The following VPS37A variants were observed in gnomAD, a reference collection of about 807,000 sequenced individuals.
VPS37A encodes vacuolar protein sorting-associated protein 37A.
A neutral mutation model predicts 49.8 loss-of-function variants in VPS37A; 30 were observed. That is an observed-to-expected ratio of 0.60 (90% CI 0.45 to 0.82). The LOEUF is 0.82. Among genes scored for constraint, VPS37A ranks in the 40% least tolerant of loss-of-function variants. The probability of loss-of-function intolerance (pLI) is 0.00; values close to 1 mark genes in which losing one functional copy is unlikely to be tolerated. For missense variants in VPS37A, 593 were observed against 464.4 expected (o/e 1.28, Z -2.55); for synonymous variants, 195 against 160.6 (o/e 1.21, Z -1.62).
chr8:17,299,382 T>G (rs1816947820), downstream of VPS37A: 1 of 154,052 alleles, frequency 6.5e-6, no homozygotes, highest in Non-Finnish European at 1.4e-5. Context: ...AGGGTGCATC[T>G]CACCAATGTG....
At chr8:17,331,386 T>G in the VPS37A span, 212,163 of 1,237,814 alleles carry the variant, frequency 0.17, 20,985 homozygotes, top group Non-Finnish European at 0.2. Flanking sequence ...TTCAGAATGA[T>G]GTACGGAAAC....
intron 1 of VPS37A, among the ~76,000 whole-genome samples, chr8:17,254,443 C>T (rs960814959): frequency 6.6e-6 from 1 of 152,198 alleles, no homozygotes; most frequent in African/African-American, 2.4e-5. Context: ...AGCCTACCTG[C>T]TGCTCCACGA....
chr8:17,273,154 G>A (rs1375144643), intron 4 of VPS37A, among the ~76,000 whole-genome samples: 2 of 148,974 alleles, frequency 1.3e-5, no homozygotes, highest in Admixed American at 1.4e-4. Flanking sequence ...TTTTATGGGT[G>A]TATTATAATG....
At chr8:17,288,468 T>G (rs1443815229) in intron 11 of VPS37A, among the ~76,000 whole-genome samples, 3 of 152,054 alleles carry the variant, frequency 2.0e-5, no homozygotes, top group Admixed American at 6.6e-5. Flanking sequence ...AGAACATGCA[T>G]TAGTTGGTTT....
chr8:17,278,486 G>T (rs1170905430), intron 6 of VPS37A, among the ~76,000 whole-genome samples: 3 of 152,012 alleles, frequency 2.0e-5, no homozygotes, highest in African/African-American at 7.2e-5. Flanking sequence ...ATGAGTTGCT[G>T]CACTATCTGT....
At chr8:17,331,981 C>A in the VPS37A span, among the ~76,000 whole-genome samples, 1 of 152,184 alleles carries the variant, frequency 6.6e-6, no homozygotes, top group Non-Finnish European at 1.5e-5. Flanking sequence ...ACAGTGGTAT[C>A]TGAAGAAGTT....
At chr8:17,300,176 T>G (rs1817022500), downstream of VPS37A, 3 of 1,614,108 alleles carry the variant, frequency 1.9e-6, no homozygotes, top group Non-Finnish European at 2.5e-6. Flanking sequence ...CTTTGCTTAC[T>G]CTTCACCTTA....
chr8:17,265,980 A>G lies in VPS37A; in HGVS notation c.199A>G (p.Ile67Val). The G allele has an allele frequency of 6.2e-6, 10 of 1,610,702 alleles. No homozygotes were observed. The highest frequency in any genetic ancestry group is 1.3e-5 in the African/African-American group (1 of 74,974). Residue 67 changes from isoleucine to valine, a missense_variant and splice_region_variant, in exon 2 of 12, where the codon ATA becomes GTA. By Grantham distance (29) the Ile-to-Val change is conservative (BLOSUM62 3). Coordinates refer to ENST00000324849, the MANE Select transcript of VPS37A (RefSeq NM_152415.3). Reference protein sequence around the residue: ...TINNLTININILLPPQFPQEK... With the variant: ...TINNLTININVLLPPQFPQEK... Reference sequence around the variant, plus strand: ...AAACAACCTGACAATTAACATTAATATGTGAGTAGAATTGTATCCTACTTT... The same window carrying G: ...AAACAACCTGACAATTAACATTAATGTGTGAGTAGAATTGTATCCTACTTT...
rs551306584 is a variant in VPS37A, at chr8:17,297,292, T to C, written c.*2306T>C. ...TCTAAATCAATCAATCAGTGAGATATAAACTAAACAGACCCACTTCAAAGT... is the reference window on the plus strand; with the variant it reads ...TCTAAATCAATCAATCAGTGAGATACAAACTAAACAGACCCACTTCAAAGT... On this transcript the variant is annotated 3_prime_UTR_variant, in exon 12 of 12. Transcript: ENST00000324849. 2.0e-5 allele frequency: 3 copies of C among 152,192 alleles called. No individual in the cohort carries two copies. Among genetic ancestry groups the C allele is most frequent in the East Asian group, 1.9e-4 (1 of 5,178 alleles). 9.4% of individuals were successfully genotyped at this position (152,192 alleles called of 1,614,324 possible). A position where few individuals can be genotyped will look rare whatever the true frequency, so the allele number is the denominator to read the frequency against.
intron 9 of VPS37A, among the ~76,000 whole-genome samples, chr8:17,282,207 G>A (rs1461249196): frequency 6.6e-6 from 1 of 151,950 alleles, no homozygotes; most frequent in Non-Finnish European, 1.5e-5. Flanking sequence ...TATTTCTATG[G>A]AACAGACTAT....
At chr8:17,273,862 A>G (rs1814248361) in intron 4 of VPS37A, among the ~76,000 whole-genome samples, 7 of 152,210 alleles carry the variant, frequency 4.6e-5, no homozygotes. Flanking sequence ...AAAAATTAAT[A>G]CATTTTGAAA....
chr8:17,294,095 T>A (rs1816389119), intron 11 of VPS37A, among the ~76,000 whole-genome samples: 1 of 151,712 alleles, frequency 6.6e-6, no homozygotes, highest in Non-Finnish European at 1.5e-5. Flanking sequence ...GAGATGGGAG[T>A]TTTATCTATA....
At chr8:17,305,825 T>C (rs755213845), downstream of VPS37A, 23 of 1,613,772 alleles carry the variant, frequency 1.4e-5, 1 homozygote, top group South Asian at 2.4e-4. Context: ...AAATGTGATG[T>C]TGAATGTGAA....
rs1313436669 is a variant in VPS37A, at chr8:17,297,940, T to G, written c.*2954T>G. On this transcript the variant is annotated 3_prime_UTR_variant, in exon 12 of 12. Coordinates refer to ENST00000324849, the MANE Select transcript of VPS37A (RefSeq NM_152415.3). Reference sequence around the variant, plus strand: ...AAAGTTTATGACTCTGATATGGAAGTTGTCATATTAAAAAACTACATTTTA... The same window carrying G: ...AAAGTTTATGACTCTGATATGGAAGGTGTCATATTAAAAAACTACATTTTA... The G allele has an allele frequency of 2.0e-5, 3 of 152,220 alleles. No homozygotes were observed. Among genetic ancestry groups the G allele is most frequent in the Middle Eastern group, 3.4e-3 (1 of 294 alleles). The allele number at this position is 152,220 out of a possible 1,614,324, so 9.4% of individuals were successfully genotyped here.
At chr8:17,300,821 A>G (rs1477262772), downstream of VPS37A, among the ~76,000 whole-genome samples, 1 of 152,162 alleles carries the variant, frequency 6.6e-6, no homozygotes, top group Non-Finnish European at 1.5e-5. Flanking sequence ...TTCTATCTCT[A>G]TGGATTTGCC....
intron 1 of VPS37A, among the ~76,000 whole-genome samples, chr8:17,263,430 T>G (rs2150366897): frequency 6.6e-6 from 1 of 152,324 alleles, no homozygotes; most frequent in Non-Finnish European, 1.5e-5. Context: ...ATTGCCATGA[T>G]TAACTTGTTT....
intron 6 of VPS37A, among the ~76,000 whole-genome samples, chr8:17,277,320 C>T (rs111919734): frequency 7.6e-4 from 116 of 152,114 alleles, no homozygotes; most frequent in African/African-American, 2.7e-3. Context: ...TTGTAATGCT[C>T]ACAATAACCC....
At chr8:17,281,946 T>C (rs1815096905) in intron 9 of VPS37A, among the ~76,000 whole-genome samples, 1 of 152,068 alleles carries the variant, frequency 6.6e-6, no homozygotes, top group Non-Finnish European at 1.5e-5. Flanking sequence ...GAAAGATCCA[T>C]TATTAAAAAG....
At chr8:17,275,824 A>G (rs1320391316) in intron 5 of VPS37A, among the ~76,000 whole-genome samples, 2 of 152,204 alleles carry the variant, frequency 1.3e-5, no homozygotes, top group Non-Finnish European at 2.9e-5. Context: ...CATTTAGAAG[A>G]TACAGACCTA....
Sources: gnomAD v4.1 joint callset for allele counts (sites outside exome capture counted in the v4.1 genomes callset) on GRCh38, gnomAD v4.1.1 for gene constraint, MANE v1.5 for transcripts, NCBI Gene and HGNC (gene_info 2026-07-23, HGNC 2026-07-21) for gene names.